ZMYND12: variants seen among roughly 807,000 people sequenced by gnomAD.
The protein encoded by ZMYND12 is zinc finger MYND domain-containing protein 12.
Under a neutral mutation model 41.7 loss-of-function variants are expected in ZMYND12, and 32 were observed. The observed-to-expected ratio is 0.77, with a 90% CI of 0.58 to 1.03. The LOEUF (loss-of-function observed/expected upper bound fraction) is 1.03. Among genes scored for constraint, ZMYND12 ranks in the 50% least tolerant of loss-of-function variants. The probability of loss-of-function intolerance (pLI) is 0.00; values close to 1 mark genes in which losing one functional copy is unlikely to be tolerated. For missense variants in ZMYND12, 424 were observed against 438.5 expected (o/e 0.97, Z 0.30); for synonymous variants, 148 against 164.8 (o/e 0.90, Z 0.78).
At chr1:42,452,353 AC>A (rs1376727981) in intron 1 of ZMYND12, among the ~76,000 whole-genome samples, 1 of 152,200 alleles carries the variant, frequency 6.6e-6, no homozygotes, top group Non-Finnish European at 1.5e-5. Flanking sequence ...ATTCATGCAA[AC>A]CTATGGTACT....
At chr1:42,440,500 G>C (rs897668349) in intron 3 of ZMYND12, among the ~76,000 whole-genome samples, 3 of 151,976 alleles carry the variant, frequency 2.0e-5, no homozygotes, top group Non-Finnish European at 2.9e-5. Flanking sequence ...TCCAATGCAA[G>C]GGAGGCACTA....
intron 1 of ZMYND12, among the ~76,000 whole-genome samples, chr1:42,453,582 G>A (rs1019418087): frequency 1.1e-4 from 16 of 152,206 alleles, no homozygotes; most frequent in Admixed American, 4.6e-4. Context: ...GAGATACAGA[G>A]TACTGTAAAG....
chr1:42,435,180 T>A (rs1642893469), intron 6 of ZMYND12, 94 bp downstream of exon 6: 6 of 957,802 alleles, frequency 6.3e-6, no homozygotes, highest in Non-Finnish European at 1.0e-5. Context: ...GTGTGCTTCA[T>A]GACAGGGACA....
chr1:42,437,101 A>C (rs1642915838), intron 4 of ZMYND12, among the ~76,000 whole-genome samples: 1 of 152,244 alleles, frequency 6.6e-6, no homozygotes, highest in East Asian at 1.9e-4. Flanking sequence ...ATGGAATGCT[A>C]ATCAGCAATA....
Position 42,440,042 on chromosome 1 carries a change from A to G in ZMYND12, c.425-17T>C, listed in dbSNP as rs1642952533. On this transcript the variant is annotated splice_polypyrimidine_tract_variant and intron_variant, in intron 3 of 7. Coordinates refer to ENST00000372565, the MANE Select transcript of ZMYND12 (RefSeq NM_032257.5). ...GGCCCAGACCTGCCCAAAAGCAGAAAAGAAGGTTATAATTCATATCCAGGC... is the reference window on the plus strand; with the variant it reads ...GGCCCAGACCTGCCCAAAAGCAGAAGAGAAGGTTATAATTCATATCCAGGC... The G allele has an allele frequency of 1.9e-6, 3 of 1,585,920 alleles. No homozygotes were observed. The South Asian group carries it at 3.5e-5, about 18-fold the overall frequency.
At position 42,436,503 on chromosome 1, in the gene ZMYND12, C is replaced by T; in HGVS notation, c.635G>A (p.Arg212Lys). The part of the protein sequence containing the change: ...ASCAFGTEDI[R>K]TSGGYFHLAN... ...CAGGTGGAAGTAGCCTCCTGAAGTCCTAATGTCCTCTGTTCCAAATGCACA... is the reference window on the plus strand; with the variant it reads ...CAGGTGGAAGTAGCCTCCTGAAGTCTTAATGTCCTCTGTTCCAAATGCACA... The change falls in exon 5 of 8, where the codon AGG becomes AAG. Residue 212 changes from arginine to lysine, a missense_variant. Arg to Lys is a conservative substitution (Grantham distance 26). Transcript: ENST00000372565. 2 of 1,613,610 alleles carry T rather than the reference C, an allele frequency of 1.2e-6. No individual in the cohort carries two copies. The highest frequency in any genetic ancestry group is 1.7e-6 in the Non-Finnish European group (2 of 1,179,610).
At chr1:42,442,333 C>G (rs113794862) in intron 3 of ZMYND12, among the ~76,000 whole-genome samples, 3,163 of 152,170 alleles carry the variant, frequency 0.021, 121 homozygotes, top group African/African-American at 0.072. Flanking sequence ...TGAAACAAGA[C>G]AGTGAACTAA....
intron 1 of ZMYND12, among the ~76,000 whole-genome samples, chr1:42,451,853 T>C (rs28411096): frequency 0.2 from 31,067 of 152,072 alleles, 3,439 homozygotes; most frequent in South Asian, 0.42. Flanking sequence ...GAACTTTTGT[T>C]CCACTGAGAG....
intron 4 of ZMYND12, among the ~76,000 whole-genome samples, chr1:42,437,469 T>A (rs1222430989): frequency 6.6e-6 from 1 of 151,574 alleles, no homozygotes. Flanking sequence ...TGTGTGTGTG[T>A]GTGTGTGTGT....
At position 42,448,505 on chromosome 1, in the gene ZMYND12, A is replaced by G; in HGVS notation, c.386T>C (p.Leu129Pro). 6.2e-7 allele frequency: 1 copy of G among 1,607,536 alleles called. No homozygotes were observed. The highest frequency in any genetic ancestry group is 8.5e-7 in the Non-Finnish European group (1 of 1,176,654). Residue 129 changes from leucine (L) to proline (P), a missense_variant, in exon 3 of 8, where the codon CTT (leucine) becomes CCT (proline). By Grantham distance (98) the Leu-to-Pro change is moderately conservative (BLOSUM62 -3). Transcript: ENST00000372565. ...VKLYGLSSVE[L>P]VPAYLLLAEA... ...GGCCAACAGCAGGTAAGCAGGCACA[A>G]GCTCTACGGAGCTCAGGCCATACAG...
In ZMYND12 at chr1:42,435,339, A is replaced by G. The variant is rs1642894717; in HGVS notation, c.764T>C (p.Leu255Pro). The G allele has an allele frequency of 6.2e-7, 1 of 1,613,982 alleles. No homozygotes were observed. The part of the protein sequence containing the change: ...HAYLNNHYQV[L>P]SQAHIQQMDL... ...CATTTGTTGGATGTGAGCCTGTGAG[A>G]GGACTTGATAGTGATTGTTCAAATA... Residue 255 changes from leucine (L) to proline (P), a missense_variant, in exon 6 of 8, where the codon CTC becomes CCC. Coordinates refer to ENST00000372565, the MANE Select transcript of ZMYND12 (RefSeq NM_032257.5).
chr1:42,449,555 G>A (rs1199302126), intron 2 of ZMYND12, among the ~76,000 whole-genome samples: 2 of 152,198 alleles, frequency 1.3e-5, no homozygotes, highest in Non-Finnish European at 2.9e-5. Flanking sequence ...AGGACCATGT[G>A]AAGACACTGT....
Position 42,433,290 on chromosome 1 carries a change from T to G in ZMYND12, c.830-2A>C, listed in dbSNP as rs760538830. Reference sequence around the variant, plus strand: ...TGGCTTCTGCTTCTTGGGCTTCATCTGCATTGGAAGGGGAAGAAAGAAAAA... The same window carrying G: ...TGGCTTCTGCTTCTTGGGCTTCATCGGCATTGGAAGGGGAAGAAAGAAAAA... On this transcript the variant is annotated splice_acceptor_variant, in intron 6 of 7. Coordinates refer to ENST00000372565, the MANE Select transcript of ZMYND12 (RefSeq NM_032257.5). LOFTEE classifies it high-confidence loss of function. 5 of 1,602,424 alleles carry G rather than the reference T, an allele frequency of 3.1e-6. No homozygotes were observed. Among genetic ancestry groups the G allele is most frequent in the Non-Finnish European group, 4.2e-6 (5 of 1,176,748 alleles).
chr1:42,448,696 T>C, intron 2 of ZMYND12, 58 bp from the exon 3 acceptor site: 1 of 1,521,476 alleles, frequency 6.6e-7, no homozygotes, highest in South Asian at 1.3e-5. Context: ...CAAAGGTGGA[T>C]GTAGATGGCC....
intron 1 of ZMYND12, among the ~76,000 whole-genome samples, chr1:42,452,292 A>G (rs933647385): frequency 3.3e-5 from 5 of 152,252 alleles, no homozygotes; most frequent in African/African-American, 1.2e-4. Flanking sequence ...ACAGGAAGCA[A>G]TAGTATTTGT....
intron 6 of ZMYND12, among the ~76,000 whole-genome samples, chr1:42,433,698 G>C (rs1280213242): frequency 6.6e-6 from 1 of 152,194 alleles, no homozygotes; most frequent in Non-Finnish European, 1.5e-5. Flanking sequence ...AGAACTGGGG[G>C]AAGGGACTTC....
intron 3 of ZMYND12, among the ~76,000 whole-genome samples, chr1:42,441,315 A>G (rs762790877): frequency 6.6e-6 from 1 of 152,184 alleles, no homozygotes; most frequent in Non-Finnish European, 1.5e-5. Flanking sequence ...TGTCATAGAA[A>G]TATGAAATAA....
In ZMYND12 at chr1:42,439,937, G is replaced by C. The variant is rs751761298; in HGVS notation, c.513C>G (p.His171Gln). ...LKSTDCSNAT[H>Q]SLLHRNLGLL... ...GTCCCAGATTCCGATGCAGTAAAGAGTGGGTGGCATTACTACAGTCAGTTG... is the reference window on the plus strand; with the variant it reads ...GTCCCAGATTCCGATGCAGTAAAGACTGGGTGGCATTACTACAGTCAGTTG... The change falls in exon 4 of 8, where the codon CAC (histidine) becomes CAG (glutamine). Residue 171 changes from histidine to glutamine, a missense_variant. Physicochemically the swap from His to Gln is conservative, Grantham distance 24. Transcript: ENST00000372565. 6.9e-5 allele frequency: 111 copies of C among 1,614,040 alleles called. 1 individual carries two copies. The South Asian group carries it at 1.2e-3, about 17-fold the overall frequency.
intron 4 of ZMYND12, among the ~76,000 whole-genome samples, chr1:42,439,056 C>T (rs1049518586): frequency 6.6e-6 from 1 of 152,208 alleles, no homozygotes; most frequent in African/African-American, 2.4e-5. Context: ...ATAACCAACA[C>T]TCTGAAGTAG....
Sources: allele counts gnomAD v4.1 joint callset (sites outside exome capture counted in the v4.1 genomes callset), GRCh38; gene constraint gnomAD v4.1.1; transcripts MANE v1.5; gene names NCBI Gene and HGNC (gene_info 2026-07-23, HGNC 2026-07-21).